Variants in NUP160 observed in about 807,000 individuals in gnomAD.
NUP160 encodes nucleoporin 160, also known as nuclear pore complex protein Nup160.
In NUP160, 94 loss-of-function variants were observed where a neutral mutation model predicts 196.9. The observed-to-expected ratio is 0.48, with a 90% CI of 0.40 to 0.57. The LOEUF (loss-of-function observed/expected upper bound fraction) is 0.57. NUP160 is among the 20% of genes least tolerant of loss of function. The pLI is 0.00. For synonymous variants in NUP160, 605 were observed against 619.7 expected, an observed-to-expected ratio of 0.98 and a Z score of 0.35; for missense variants, 1,638 against 1,748.3, an observed-to-expected ratio of 0.94 and a Z score of 1.13.
At chr11:47,806,536 C>A (rs982288672) in intron 19 of NUP160, 1 of 439,110 alleles carries the variant, frequency 2.3e-6, no homozygotes, top group Non-Finnish European at 4.1e-6. Flanking sequence ...AAGTTATAGT[C>A]ATTTCTTTTC....
intron 33 of NUP160, among the ~76,000 whole-genome samples, chr11:47,784,431 C>T (rs755408182): frequency 1.1e-4 from 17 of 152,332 alleles, no homozygotes; most frequent in South Asian, 2.1e-4. Context: ...TTGAAAAGTA[C>T]TCCACCGACT....
intron 23 of NUP160, 152 bp downstream of exon 23, chr11:47,801,659 T>G: frequency 1.3e-6 from 1 of 744,262 alleles, no homozygotes; most frequent in Non-Finnish European, 2.1e-6. Context: ...CATGTTTCTT[T>G]AATTTCTCTA....
At chr11:47,848,319 C>T (rs1454993490) in exon 1 of NUP160, 2 of 1,613,924 alleles carry the variant, frequency 1.2e-6, no homozygotes, top group Non-Finnish European at 1.7e-6. Context: ...CCGCCGCCAT[C>T]TTCCCGCCGT....
chr11:47,813,485 G>A, intron 13 of NUP160, 70 bp from the exon 14 acceptor site: 1 of 994,534 alleles, frequency 1.0e-6, no homozygotes, highest in Admixed American at 1.9e-5. Flanking sequence ...ATTGAGATGT[G>A]CATCTTATCA....
At chr11:47,844,777 A>C (rs1419549061) in intron 2 of NUP160, among the ~76,000 whole-genome samples, 1 of 152,220 alleles carries the variant, frequency 6.6e-6, no homozygotes, top group Non-Finnish European at 1.5e-5. Context: ...CAAGACTGAA[A>C]CCTACTGGGA....
chr11:47,818,549 C>CAAA (rs55657302), intron 10 of NUP160, among the ~76,000 whole-genome samples: 17,646 of 151,212 alleles, frequency 0.12, 1,130 homozygotes, highest in Non-Finnish European at 0.15. Context: ...GCAAACAAAA[C>CAAA]AAAACAAAAC....
chr11:47,847,345 G>T (rs1398316731), intron 2 of NUP160, among the ~76,000 whole-genome samples: 3 of 151,928 alleles, frequency 2.0e-5, no homozygotes, highest in Admixed American at 2.0e-4. Flanking sequence ...CTCATAACCC[G>T]TATATTTTTC....
At position 47,804,754 on chromosome 11, in the gene NUP160, T is replaced by C. The variant is rs1005976666; in HGVS notation, c.2607-136A>G. The C allele has an allele frequency of 5.3e-6, 3 of 571,354 alleles. No homozygotes were observed. The Admixed American group carries it at 1.1e-4, about 21-fold the overall frequency. The allele number at this position is 571,354 out of a possible 1,614,324, so 35.4% of individuals were successfully genotyped here. ...GCAGAGAAGTTGGCCAACCACATGT[T>C]CTTTCATCATCACTAGAATACAGTT... On this transcript the variant is annotated intron_variant, in intron 20 of 35. Coordinates refer to ENST00000378460, the Ensembl canonical transcript of NUP160.
intron 5 of NUP160, 26 bp from the exon 6 acceptor site, chr11:47,837,027 G>A: frequency 7.7e-7 from 1 of 1,292,430 alleles, no homozygotes; most frequent in East Asian, 2.3e-5. Context: ...CAGTTTTAGA[G>A]TTTTACTGCT....
At chr11:47,821,960 G>A (rs979242521) in intron 8 of NUP160, 127 bp downstream of exon 8, 18 of 985,314 alleles carry the variant, frequency 1.8e-5, no homozygotes, top group Non-Finnish European at 2.8e-5. Flanking sequence ...AAGTCTAAAT[G>A]AAATTTTGTT....
At chr11:47,780,479 T>C in intron 34 of NUP160, 32 bp from the exon 35 acceptor site, 1 of 1,412,744 alleles carries the variant, frequency 7.1e-7, no homozygotes, top group South Asian at 1.1e-5. Context: ...GAAAACAGTC[T>C]GCAAAGTGTA....
At chr11:47,826,736 T>C (rs1851975769) in intron 7 of NUP160, among the ~76,000 whole-genome samples, 2 of 152,108 alleles carry the variant, frequency 1.3e-5, no homozygotes, top group African/African-American at 4.8e-5. Context: ...CTAATTTTTG[T>C]ATTTTTAGTA....
chr11:47,845,219 C>T (rs182481608), intron 2 of NUP160, among the ~76,000 whole-genome samples: 3 of 152,278 alleles, frequency 2.0e-5, no homozygotes, highest in Admixed American at 1.3e-4. Flanking sequence ...CAGCTCACTG[C>T]ACCCTCCACC....
At chr11:47,781,239 T>C (rs1407666684) in intron 34 of NUP160, among the ~76,000 whole-genome samples, 1 of 151,508 alleles carries the variant, frequency 6.6e-6, no homozygotes, top group Non-Finnish European at 1.5e-5. Flanking sequence ...AATAAAAAAA[T>C]AAAAATAAAA....
intron 31 of NUP160, among the ~76,000 whole-genome samples, chr11:47,787,452 C>G (rs978522662): frequency 9.9e-6 from 1 of 100,870 alleles, no homozygotes; most frequent in Non-Finnish European, 2.0e-5. Context: ...TTTTTTGAAA[C>G]AGAGTCTTGC....
At chr11:47,790,315 A>G (rs1344545674) in intron 29 of NUP160, among the ~76,000 whole-genome samples, 3 of 151,976 alleles carry the variant, frequency 2.0e-5, no homozygotes, top group African/African-American at 7.2e-5. Flanking sequence ...GCTGGAGTGC[A>G]GTGGCGCGAT....
intron 6 of NUP160, 113 bp from the exon 7 acceptor site, chr11:47,835,922 G>T: frequency 1.2e-6 from 1 of 853,698 alleles, no homozygotes; most frequent in Non-Finnish European, 1.7e-6. Context: ...TAGTTTATCT[G>T]CTAAAAGACC....
chr11:47,823,854 G>A (rs905232553), intron 7 of NUP160, among the ~76,000 whole-genome samples: 2 of 151,534 alleles, frequency 1.3e-5, no homozygotes, highest in Admixed American at 6.6e-5. Context: ...TTTAAAAACT[G>A]AAATATTAAA....
chr11:47,837,458 G>T, intron 5 of NUP160, 87 bp downstream of exon 5: 1 of 1,002,110 alleles, frequency 1.0e-6, no homozygotes, highest in Non-Finnish European at 1.6e-6. Context: ...TGTTTGCCTT[G>T]GAATAAGACT....
Sources: gnomAD v4.1 joint callset for allele counts (sites outside exome capture counted in the v4.1 genomes callset) on GRCh38, gnomAD v4.1.1 for gene constraint, MANE v1.5 for transcripts, NCBI Gene and HGNC (gene_info 2026-07-23, HGNC 2026-07-21) for gene names.